Variants in SUPT3H observed in about 807,000 individuals in gnomAD.
The protein encoded by SUPT3H is SPT3 homolog, SAGA and STAGA complex component, also known as transcription initiation protein SPT3 homolog.
SUPT3H carries 44 observed loss-of-function variants against 44.3 expected under a neutral mutation model. The ratio of observed to expected loss-of-function variants is 0.99; its 90% CI spans 0.78 to 1.28. The LOEUF (loss-of-function observed/expected upper bound fraction) is 1.28, where lower values mean the gene tolerates loss of function less well. Ranked by LOEUF, SUPT3H falls within the 50% of genes most tolerant of loss-of-function variation. SUPT3H has a pLI of 0.00. For synonymous variants in SUPT3H, 124 were observed against 125.6 expected, an observed-to-expected ratio of 0.99 and a Z score of 0.09; for missense variants, 380 against 387.1, an observed-to-expected ratio of 0.98 and a Z score of 0.15.
At chr6:45,346,567 CTT>C (rs71745024) in intron 2 of SUPT3H, among the ~76,000 whole-genome samples, 1 of 140,420 alleles carries the variant, frequency 7.1e-6, no homozygotes, top group East Asian at 2.1e-4. Context: ...ATAAACATTT[CTT>C]TTTTTTTTTT....
In SUPT3H at chr6:45,143,930, G is replaced by A. The variant is rs1397445148; in HGVS notation, c.102-37924C>T. 3.3e-5 allele frequency among the ~76,000 whole-genome samples: 5 copies of A among 151,956 alleles called. No individual in the cohort carries two copies. The East Asian group carries it at 9.7e-4, about 29-fold the overall frequency. ...TTACTATGAACACCTTTATATACAC[G>A]AACTAGAAAATCTAGAGAGACGGAA... On this transcript the variant is annotated intron_variant, in intron 2 of 10. Transcript: ENST00000371459.
At chr6:44,851,380 G>A (rs1441292752) in intron 10 of SUPT3H, among the ~76,000 whole-genome samples, 1 of 152,156 alleles carries the variant, frequency 6.6e-6, no homozygotes, top group African/African-American at 2.4e-5. Context: ...TGTGACTCAC[G>A]CTTGTGTTCA....
At chr6:45,262,255 T>C (rs1378782065) in intron 2 of SUPT3H, among the ~76,000 whole-genome samples, 2 of 151,898 alleles carry the variant, frequency 1.3e-5, no homozygotes, top group East Asian at 3.9e-4. Context: ...AAAAAGAGCC[T>C]AGACAGCCAA....
chr6:45,304,596 T>C (rs1400899332), intron 2 of SUPT3H, among the ~76,000 whole-genome samples: 3 of 152,154 alleles, frequency 2.0e-5, no homozygotes, highest in Non-Finnish European at 4.4e-5. Context: ...CTGTTAAATT[T>C]TTTTTCCTAA....
At chr6:45,297,388 C>T (rs1252329717) in intron 2 of SUPT3H, among the ~76,000 whole-genome samples, 2 of 152,180 alleles carry the variant, frequency 1.3e-5, no homozygotes, top group Non-Finnish European at 2.9e-5. Context: ...GATTTTCCTT[C>T]ACCAGTGTGT....
chr6:44,974,224 T>A (rs1237675545), intron 6 of SUPT3H, among the ~76,000 whole-genome samples: 1 of 152,032 alleles, frequency 6.6e-6, no homozygotes, highest in Admixed American at 6.6e-5. Flanking sequence ...TATTTGTGTA[T>A]ATATATATTC....
intron 3 of SUPT3H, among the ~76,000 whole-genome samples, chr6:45,025,752 G>A (rs1785880631): frequency 6.6e-6 from 1 of 152,046 alleles, no homozygotes; most frequent in Non-Finnish European, 1.5e-5. Context: ...GCGTGGTGGT[G>A]GGCGCCTGTA....
intron 5 of SUPT3H, among the ~76,000 whole-genome samples, chr6:45,004,611 T>C (rs1415824426): frequency 6.6e-6 from 1 of 152,100 alleles, no homozygotes; most frequent in Non-Finnish European, 1.5e-5. Flanking sequence ...TTGATTACTC[T>C]TTCCCATTTC....
chr6:44,921,913 G>A (rs536669926), intron 10 of SUPT3H, among the ~76,000 whole-genome samples: 4 of 152,166 alleles, frequency 2.6e-5, no homozygotes, highest in Non-Finnish European at 4.4e-5. Flanking sequence ...CCTTGAATGC[G>A]CCTGGGCAAA....
At chr6:44,907,318 G>C (rs941042441) in intron 10 of SUPT3H, among the ~76,000 whole-genome samples, 2 of 152,144 alleles carry the variant, frequency 1.3e-5, no homozygotes, top group African/African-American at 4.8e-5. Flanking sequence ...CACGATATTT[G>C]ACTGTATTAG....
chr6:44,887,117 G>C (rs1762437351), intron 10 of SUPT3H, among the ~76,000 whole-genome samples: 1 of 152,092 alleles, frequency 6.6e-6, no homozygotes, highest in Non-Finnish European at 1.5e-5. Flanking sequence ...GTTTCATAAA[G>C]CAAGTCCTGT....
intron 3 of SUPT3H, among the ~76,000 whole-genome samples, chr6:45,079,467 A>C (rs1241520266): frequency 6.6e-6 from 1 of 150,574 alleles, no homozygotes; most frequent in African/African-American, 2.4e-5. Flanking sequence ...AGGAAGAAGA[A>C]GGGGAAAGGA....
intron 6 of SUPT3H, among the ~76,000 whole-genome samples, chr6:44,965,140 C>A (rs1373271584): frequency 6.6e-6 from 1 of 152,114 alleles, no homozygotes; most frequent in Non-Finnish European, 1.5e-5. Context: ...TAGCGAGGCC[C>A]TGGGTCAGCA....
intron 2 of SUPT3H, among the ~76,000 whole-genome samples, chr6:45,278,351 C>T (rs1777372063): frequency 6.6e-6 from 1 of 152,044 alleles, no homozygotes; most frequent in African/African-American, 2.4e-5. Flanking sequence ...CTTTTTCCAA[C>T]TATGGTACAA....
chr6:45,115,430 T>C (rs1800698300), intron 2 of SUPT3H, among the ~76,000 whole-genome samples: 1 of 152,214 alleles, frequency 6.6e-6, no homozygotes, highest in Non-Finnish European at 1.5e-5. Flanking sequence ...ACATATTTTA[T>C]TCTTTTCTAG....
At chr6:45,034,659 C>A (rs1787422505) in intron 3 of SUPT3H, among the ~76,000 whole-genome samples, 1 of 151,994 alleles carries the variant, frequency 6.6e-6, no homozygotes, top group Non-Finnish European at 1.5e-5. Context: ...AGGACAACAC[C>A]AATAATAACA....
intron 2 of SUPT3H, among the ~76,000 whole-genome samples, chr6:45,341,702 T>G (rs1458334718): frequency 6.6e-6 from 1 of 152,120 alleles, no homozygotes; most frequent in Admixed American, 6.5e-5. Context: ...GAATAACAGA[T>G]AGTTAAAAGT....
intron 2 of SUPT3H, among the ~76,000 whole-genome samples, chr6:45,265,399 G>C (rs1775086331): frequency 6.6e-6 from 1 of 152,116 alleles, no homozygotes. Context: ...CTGTCAAACA[G>C]AATCAACTAC....
At chr6:45,290,027 A>G (rs759671355) in intron 2 of SUPT3H, among the ~76,000 whole-genome samples, 1 of 151,996 alleles carries the variant, frequency 6.6e-6, no homozygotes, top group Non-Finnish European at 1.5e-5. Flanking sequence ...AAAATTTTAA[A>G]AAGTTAGTCA....
Sources: allele counts gnomAD v4.1 joint callset (sites outside exome capture counted in the v4.1 genomes callset), GRCh38; gene constraint gnomAD v4.1.1; transcripts MANE v1.5; gene names NCBI Gene and HGNC (gene_info 2026-07-23, HGNC 2026-07-21).